The following MAGI2 variants were observed in gnomAD, a reference collection of about 807,000 sequenced individuals.
MAGI2 encodes the protein membrane associated guanylate kinase, WW and PDZ domain containing 2, also known as membrane-associated guanylate kinase, WW and PDZ domain-containing protein 2.
MAGI2 carries 35 observed loss-of-function variants against 133.3 expected under a neutral mutation model. The observed-to-expected ratio is 0.26, with a 90% confidence interval of 0.20 to 0.35. MAGI2 has a LOEUF of 0.35. Ranked by LOEUF, MAGI2 falls within the 10% of genes least tolerant of loss-of-function variation. MAGI2 has a pLI of 1.00. For synonymous variants in MAGI2, 729 were observed against 710.6 expected (o/e 1.03, Z -0.41); for missense variants, 1,636 against 1,863.4 (o/e 0.88, Z 2.25).
At chr7:79,163,026 C>T (rs1387959214) in intron 1 of MAGI2, among the ~76,000 whole-genome samples, 1 of 151,870 alleles carries the variant, frequency 6.6e-6, no homozygotes, top group Non-Finnish European at 1.5e-5. Flanking sequence ...AAAAACAAAA[C>T]AAAACAAAAC....
intron 9 of MAGI2, among the ~76,000 whole-genome samples, chr7:78,263,751 A>G (rs1793738859): frequency 6.6e-6 from 1 of 151,994 alleles, no homozygotes; most frequent in African/African-American, 2.4e-5. Flanking sequence ...TGCCCTTTTC[A>G]CTTAACATCC....
chr7:78,620,847 T>C (rs936826444), intron 3 of MAGI2, among the ~76,000 whole-genome samples: 1 of 152,142 alleles, frequency 6.6e-6, no homozygotes, highest in Admixed American at 6.6e-5. Flanking sequence ...CAAAACAGCC[T>C]AATATGGTAG....
At chr7:79,103,463 C>G (rs182143825) in intron 1 of MAGI2, among the ~76,000 whole-genome samples, 1 of 151,896 alleles carries the variant, frequency 6.6e-6, no homozygotes, top group Non-Finnish European at 1.5e-5. Flanking sequence ...TAGGAGCAAA[C>G]TGAAATATGA....
chr7:78,340,733 A>G (rs570847157), intron 9 of MAGI2, among the ~76,000 whole-genome samples: 1 of 152,340 alleles, frequency 6.6e-6, no homozygotes, highest in African/African-American at 2.4e-5. Context: ...AGATGCAGAA[A>G]AGGCCTTCGA....
chr7:79,215,065 A>G (rs1269643956), intron 1 of MAGI2, among the ~76,000 whole-genome samples: 1 of 151,772 alleles, frequency 6.6e-6, no homozygotes, highest in African/African-American at 2.4e-5. Context: ...AGCCAAGGGC[A>G]TTCCAAAGTA....
intron 1 of MAGI2, among the ~76,000 whole-genome samples, chr7:79,443,275 T>TGTGTGTGC: frequency 1.9e-5 from 2 of 107,040 alleles, no homozygotes; most frequent in Non-Finnish European, 4.2e-5. Context: ...TGTGTGTGTG[T>TGTGTGTGC]GTGTGTGTGC....
intron 1 of MAGI2, among the ~76,000 whole-genome samples, chr7:79,358,928 C>A (rs987114204): frequency 6.6e-6 from 1 of 152,094 alleles, no homozygotes; most frequent in East Asian, 1.9e-4. Flanking sequence ...GTTTGCTAAC[C>A]TAATAGACAA....
In MAGI2 at chr7:78,330,615, CAAAAAAAAAAAAAAAAA is replaced by C. The variant is rs4024122; in HGVS notation, c.1408+13146_1408+13162del. Among the ~76,000 whole-genome samples the C allele has an allele frequency of 4.3e-4, 3 of 6,940 alleles. 1 individual carries two copies. The highest frequency in any genetic ancestry group is 2.2e-3 in the African/African-American group (3 of 1,394). The allele number at this position is 6,940 out of a possible 152,430, so 4.6% of individuals were successfully genotyped here. A position where few individuals can be genotyped will look rare whatever the true frequency, so the allele number is the denominator to read the frequency against. On this transcript the variant is annotated intron_variant, in intron 9 of 21. Transcript: ENST00000354212. The stretch of plus-strand genomic sequence containing the variant: ...CCTGGGCGACAGCGAGACTCCGTCT[CAAAAAAAAAAAAAAAAA>C]AAAAAAAAAAAAGAAAGATTCCTTC...
chr7:78,157,060 A>G (rs1158413644), intron 16 of MAGI2, among the ~76,000 whole-genome samples: 2 of 152,150 alleles, frequency 1.3e-5, no homozygotes, highest in African/African-American at 2.4e-5. Flanking sequence ...TTCACGAGAC[A>G]CTTCGCATTT....
chr7:79,330,434 A>G (rs1839993180), intron 1 of MAGI2, among the ~76,000 whole-genome samples: 1 of 151,824 alleles, frequency 6.6e-6, no homozygotes, highest in Non-Finnish European at 1.5e-5. Flanking sequence ...TGACCTCGTG[A>G]TCCGCCTGCC....
chr7:79,059,945 T>C (rs1236306589), intron 1 of MAGI2, among the ~76,000 whole-genome samples: 1 of 152,130 alleles, frequency 6.6e-6, no homozygotes, highest in Non-Finnish European at 1.5e-5. Flanking sequence ...ATGTGTGGCA[T>C]AGGTCAATCC....
intron 21 of MAGI2, among the ~76,000 whole-genome samples, chr7:78,040,869 C>T (rs143766843): frequency 6.6e-6 from 1 of 152,290 alleles, no homozygotes; most frequent in African/African-American, 2.4e-5. Flanking sequence ...GTTTGAGAGG[C>T]CTTTCGGTAA....
At chr7:78,542,108 AAT>A (rs1255908519) in intron 3 of MAGI2, among the ~76,000 whole-genome samples, 12 of 152,206 alleles carry the variant, frequency 7.9e-5, no homozygotes, top group Admixed American at 6.5e-5. Context: ...TTATGATACT[AAT>A]ATTTGAATTT....
rs537278788 is a variant in MAGI2 at position 79,202,607 on chromosome 7, AT to A, written c.302-195402del. On this transcript the variant is annotated intron_variant, in intron 1 of 21. Coordinates refer to ENST00000354212, the MANE Select transcript of MAGI2 (RefSeq NM_012301.4). ...TTTCATACATTATTTAATAAAACGT[AT>A]TTAAAAAACTCATGGGCAAGATACA... is the stretch of plus-strand genomic sequence containing the variant. Among the ~76,000 whole-genome samples the A allele has an allele frequency of 4.1e-3, 617 of 152,074 alleles. 7 individuals carry two copies. Among genetic ancestry groups the A allele is most frequent in the Middle Eastern group, 0.024 (7 of 294 alleles).
chr7:79,076,293 C>T (rs1270979036), intron 1 of MAGI2, among the ~76,000 whole-genome samples: 2 of 152,192 alleles, frequency 1.3e-5, no homozygotes, highest in Non-Finnish European at 2.9e-5. Context: ...GACTGGGGTT[C>T]TCAAGGTTGC....
intron 9 of MAGI2, among the ~76,000 whole-genome samples, chr7:78,290,904 A>G (rs1319777863): frequency 6.6e-6 from 1 of 152,234 alleles, no homozygotes; most frequent in Non-Finnish European, 1.5e-5. Context: ...CAAAGACACA[A>G]CATACCAGAA....
chr7:78,466,709 G>C (rs1790671420), intron 6 of MAGI2, among the ~76,000 whole-genome samples: 1 of 152,124 alleles, frequency 6.6e-6, no homozygotes. Context: ...ATACTACGTG[G>C]TGGGGTGGTT....
intron 7 of MAGI2, among the ~76,000 whole-genome samples, chr7:78,354,954 A>G (rs1791910551): frequency 6.6e-6 from 1 of 152,168 alleles, no homozygotes; most frequent in Non-Finnish European, 1.5e-5. Context: ...GAGAAAAAGT[A>G]GGAATAGAGG....
At chr7:79,311,567 C>T (rs1308033559) in intron 1 of MAGI2, among the ~76,000 whole-genome samples, 3 of 151,992 alleles carry the variant, frequency 2.0e-5, no homozygotes, top group Non-Finnish European at 4.4e-5. Context: ...TCTCCTCCCA[C>T]CACCTGCCCC....
Sources: gnomAD v4.1 joint callset for allele counts (sites outside exome capture counted in the v4.1 genomes callset) on GRCh38, gnomAD v4.1.1 for gene constraint, MANE v1.5 for transcripts, NCBI Gene and HGNC (gene_info 2026-07-23, HGNC 2026-07-21) for gene names.